The following ENPP4 variants were observed in gnomAD, a reference collection of about 807,000 sequenced individuals.
ENPP4 encodes the protein bis(5'-adenosyl)-triphosphatase ENPP4.
In ENPP4, 18 loss-of-function variants were observed where a neutral mutation model predicts 33.4. The ratio of observed to expected loss-of-function variants is 0.54; its 90% confidence interval spans 0.37 to 0.80. The LOEUF is 0.80. Ranked by LOEUF, ENPP4 falls within the 30% of genes least tolerant of loss-of-function variation. The pLI, the probability that ENPP4 is intolerant of heterozygous loss-of-function variation, is 0.00. For missense variants in ENPP4, 480 were observed against 541.7 expected (o/e 0.89, Z 1.13); for synonymous variants, 172 against 189.9 (o/e 0.91, Z 0.78).
intron 1 of ENPP4, among the ~76,000 whole-genome samples, chr6:46,138,565 C>G (rs1195911791): frequency 1.3e-5 from 2 of 151,758 alleles, no homozygotes; most frequent in Admixed American, 1.3e-4. Flanking sequence ...AATAATTGAC[C>G]CTACCTCCGG....
chr6:46,140,435 A>G (rs1220893266), intron 2 of ENPP4, 26 bp downstream of exon 2: 10 of 1,372,602 alleles, frequency 7.3e-6, no homozygotes, highest in Non-Finnish European at 9.9e-6. Flanking sequence ...ACTGAGGGAT[A>G]CTATTATTCG....
chr6:46,139,518 TTAC>T, intron 1 of ENPP4, 30 bp from the exon 2 acceptor site: 1 of 848,556 alleles, frequency 1.2e-6, no homozygotes, highest in Non-Finnish European at 1.9e-6. Flanking sequence ...TGAAATAGAA[TTAC>T]TACTTATGAG....
At chr6:46,143,207 A>T in intron 3 of ENPP4, 69 bp from the exon 4 acceptor site, 1 of 1,432,822 alleles carries the variant, frequency 7.0e-7, no homozygotes, top group Non-Finnish European at 9.4e-7. Context: ...ATGTTTATAT[A>T]CTAGAAGCAA....
chr6:46,138,602 A>G (rs189648186), intron 1 of ENPP4, among the ~76,000 whole-genome samples: 1 of 151,790 alleles, frequency 6.6e-6, no homozygotes, highest in Admixed American at 6.6e-5. Context: ...CAGCCCTCAA[A>G]TCTGTCAGCT....
chr6:46,144,177 T>C lies in ENPP4; in HGVS notation c.*537T>C, dbSNP rs910116948. ...GTAGGAAATGCTCTGTGATGGTAAA[T>C]AAAATTGGAGCAGACAGAAAAGATA... On this transcript the variant is annotated 3_prime_UTR_variant, in exon 4 of 4. Transcript: ENST00000321037. 1.3e-5 allele frequency: 2 copies of C among 151,440 alleles called. No individual in the cohort carries two copies. The highest frequency in any genetic ancestry group is 4.8e-5 in the African/African-American group (2 of 41,314). The allele number at this position is 151,440 out of a possible 1,614,324, so 9.4% of individuals were successfully genotyped here.
chr6:46,141,242 A>G lies in ENPP4; in HGVS notation c.997+20A>G, dbSNP rs764909104. On this transcript the variant is annotated intron_variant, in intron 3 of 3. Transcript: ENST00000321037. The stretch of plus-strand genomic sequence containing the variant: ...AAAAATGTAAGTATTTAGTTGAGAT[A>G]TTTCTGTTGTATCCTAGGAACAAAT... 2.1e-5 allele frequency: 33 copies of G among 1,581,818 alleles called. No individual in the cohort carries two copies. The South Asian group carries it at 2.7e-4, about 13-fold the overall frequency.
chr6:46,134,620 G>A (rs1409282846), intron 1 of ENPP4, among the ~76,000 whole-genome samples: 1 of 152,040 alleles, frequency 6.6e-6, no homozygotes, highest in Non-Finnish European at 1.5e-5. Flanking sequence ...GGTAAAATGA[G>A]ATCAAAAATG....
intron 1 of ENPP4, among the ~76,000 whole-genome samples, chr6:46,135,993 T>G (rs1340693046): frequency 6.6e-6 from 1 of 152,010 alleles, no homozygotes; most frequent in Non-Finnish European, 1.5e-5. Context: ...CCATTTGTAG[T>G]AATTTCTCTA....
intron 1 of ENPP4, among the ~76,000 whole-genome samples, chr6:46,138,775 G>A (rs1180761360): frequency 1.3e-5 from 2 of 151,904 alleles, no homozygotes; most frequent in African/African-American, 2.4e-5. Flanking sequence ...TTTGTCATCA[G>A]TGAATTGATT....
chr6:46,133,476 G>C (rs899252032), intron 1 of ENPP4, among the ~76,000 whole-genome samples: 1 of 152,124 alleles, frequency 6.6e-6, no homozygotes, highest in Non-Finnish European at 1.5e-5. Context: ...TCCTGTAATG[G>C]TTTATACTCT....
chr6:46,139,237 T>A (rs1436541923), intron 1 of ENPP4, among the ~76,000 whole-genome samples: 1 of 151,784 alleles, frequency 6.6e-6, no homozygotes, highest in Non-Finnish European at 1.5e-5. Context: ...TGTCTGCATC[T>A]ATTTTTATTA....
At chr6:46,133,683 T>C (rs1763936026) in intron 1 of ENPP4, among the ~76,000 whole-genome samples, 1 of 152,192 alleles carries the variant, frequency 6.6e-6, no homozygotes, top group Admixed American at 6.5e-5. Flanking sequence ...CTTTTTGGTG[T>C]GAAAAATTAC....
At chr6:46,135,381 C>T (rs1024403134) in intron 1 of ENPP4, among the ~76,000 whole-genome samples, 3 of 151,802 alleles carry the variant, frequency 2.0e-5, no homozygotes, top group Non-Finnish European at 2.9e-5. Flanking sequence ...TGAAATGGTA[C>T]CTTATTGTGG....
At position 46,144,350 on chromosome 6, in the gene ENPP4, CTCT is replaced by C. The variant is rs1453721554; in HGVS notation, c.*714_*716del. On this transcript the variant is annotated 3_prime_UTR_variant, in exon 4 of 4. Coordinates refer to ENST00000321037, the MANE Select transcript of ENPP4 (RefSeq NM_014936.5). ...ATTCAGAAGAAAAGAGAGACAAGTG[CTCT>C]TCTCTCTATCTATGCTTAATGCCTT... The C allele has an allele frequency of 1.3e-5, 2 of 151,726 alleles. No homozygotes were observed. The highest frequency in any genetic ancestry group is 4.8e-5 in the African/African-American group (2 of 41,356). The allele number at this position is 151,726 out of a possible 1,614,324, so 9.4% of individuals were successfully genotyped here.
chr6:46,135,378 G>A (rs531538801), intron 1 of ENPP4, among the ~76,000 whole-genome samples: 1 of 152,058 alleles, frequency 6.6e-6, no homozygotes, highest in South Asian at 2.1e-4. Context: ...GTGTGAAATG[G>A]TACCTTATTG....
intron 1 of ENPP4, 131 bp from the exon 2 acceptor site, chr6:46,139,420 G>A (rs1764022010): frequency 1.9e-6 from 1 of 528,136 alleles, no homozygotes; most frequent in African/African-American, 2.0e-5. Context: ...TTAAATAAAT[G>A]GTATTATTTA....
intron 1 of ENPP4, among the ~76,000 whole-genome samples, chr6:46,137,972 A>G (rs1214516303): frequency 1.3e-5 from 2 of 151,778 alleles, no homozygotes; most frequent in Non-Finnish European, 2.9e-5. Context: ...TACTTGAGAG[A>G]ATACACAATA....
intron 1 of ENPP4, among the ~76,000 whole-genome samples, chr6:46,131,808 C>T (rs1254932638): frequency 1.3e-5 from 2 of 152,176 alleles, no homozygotes; most frequent in Admixed American, 6.5e-5. Context: ...TCCACATCCT[C>T]TCCAGCACCT....
rs928843068 is a variant in ENPP4 at position 46,139,640 on chromosome 6, C to G, written c.57C>G (p.Asp19Glu). 3.1e-6 allele frequency: 5 copies of G among 1,610,388 alleles called. No homozygotes were observed. The African/African-American group carries it at 6.7e-5, about 22-fold the overall frequency. ...FSGLITGFRSDSSSSLPPKLL... is the reference protein window; with the variant it reads ...FSGLITGFRSESSSSLPPKLL... ...GACTTATAACTGGTTTTAGAAGTGACTCTTCCTCTAGTTTGCCACCTAAGT... is the reference window on the plus strand; with the variant it reads ...GACTTATAACTGGTTTTAGAAGTGAGTCTTCCTCTAGTTTGCCACCTAAGT... The change falls in exon 2 of 4, where the codon GAC (aspartate) becomes GAG (glutamate). Residue 19 changes from aspartate (D) to glutamate (E), a missense_variant. Physicochemically the swap from Asp to Glu is conservative, Grantham distance 45 (BLOSUM62 2). Coordinates refer to ENST00000321037, the MANE Select transcript of ENPP4 (RefSeq NM_014936.5).
Sources: gnomAD v4.1 joint callset for allele counts (sites outside exome capture counted in the v4.1 genomes callset) on GRCh38, gnomAD v4.1.1 for gene constraint, MANE v1.5 for transcripts, NCBI Gene and HGNC (gene_info 2026-07-23, HGNC 2026-07-21) for gene names.